Variants in TXNDC16 observed in about 807,000 individuals in gnomAD.
The protein encoded by TXNDC16 is thioredoxin domain-containing protein 16.
A neutral mutation model predicts 85.6 loss-of-function variants in TXNDC16; 74 were observed. That is an observed-to-expected ratio of 0.86 (90% CI 0.72 to 1.05). The LOEUF is 1.05. Among genes scored for constraint, TXNDC16 ranks in the 50% least tolerant of loss-of-function variants. TXNDC16 has a pLI of 0.00. For synonymous variants in TXNDC16, 335 were observed against 326.5 expected (o/e 1.03, Z -0.28); for missense variants, 959 against 947.0 (o/e 1.01, Z -0.17).
chr14:52,508,132 T>C (rs1340586200), intron 9 of TXNDC16, among the ~76,000 whole-genome samples: 10 of 152,038 alleles, frequency 6.6e-5, no homozygotes, highest in Admixed American at 6.5e-4. Flanking sequence ...ACAGGCAACC[T>C]ACAGAATGGG....
chr14:52,529,931 A>T (rs1298330155), intron 6 of TXNDC16, among the ~76,000 whole-genome samples: 5 of 108,060 alleles, frequency 4.6e-5, no homozygotes, highest in African/African-American at 1.5e-4. Flanking sequence ...CATTATATAT[A>T]TTATATATAT....
chr14:52,469,980 A>T, intron 16 of TXNDC16, 57 bp downstream of exon 16: 2 of 1,437,326 alleles, frequency 1.4e-6, no homozygotes, highest in Non-Finnish European at 1.8e-6. Context: ...TTAAAAAATA[A>T]AACTAGCAAG....
intron 9 of TXNDC16, among the ~76,000 whole-genome samples, chr14:52,493,798 AG>A (rs912143028): frequency 4.7e-4 from 71 of 151,978 alleles, no homozygotes; most frequent in African/African-American, 1.6e-3. Context: ...TTTTTTTCCA[AG>A]ATAGAGTCTT....
In TXNDC16 at chr14:52,432,465, C is replaced by T. The variant is rs2034924297; in HGVS notation, c.2317G>A (p.Val773Met). 1 of 1,614,000 alleles carries T rather than the reference C, an allele frequency of 6.2e-7. No homozygotes were observed. ...KVPKCMKETD[V>M]QENDKEQHED... is the part of the protein sequence containing the mutation. ...TGTTGTTCCTTATCATTCTCCTGCACATCTGTTTCTTTCATACACTTGGGA... is the reference window on the plus strand; with the variant it reads ...TGTTGTTCCTTATCATTCTCCTGCATATCTGTTTCTTTCATACACTTGGGA... The change falls in exon 21 of 21, where the codon GTG (valine) becomes ATG (methionine). Residue 773 changes from valine to methionine, a missense_variant. Transcript: ENST00000281741.
At chr14:52,498,753 C>A (rs1402673070) in intron 9 of TXNDC16, among the ~76,000 whole-genome samples, 3 of 152,056 alleles carry the variant, frequency 2.0e-5, no homozygotes, top group African/African-American at 7.2e-5. Flanking sequence ...CTACCCAAAG[C>A]AATCTACAGA....
intron 12 of TXNDC16, among the ~76,000 whole-genome samples, chr14:52,483,394 G>A (rs2036194206): frequency 6.6e-6 from 1 of 152,146 alleles, no homozygotes; most frequent in African/African-American, 2.4e-5. Context: ...AATTTATGAA[G>A]AAAGGTAAAG....
At chr14:52,444,936 A>T (rs2035244119) in intron 18 of TXNDC16, among the ~76,000 whole-genome samples, 1 of 152,172 alleles carries the variant, frequency 6.6e-6, no homozygotes, top group Non-Finnish European at 1.5e-5. Context: ...TCAAGAGGAA[A>T]TGGGCTAAAT....
intron 20 of TXNDC16, 45 bp downstream of exon 20, chr14:52,439,159 A>C: frequency 6.4e-7 from 1 of 1,554,982 alleles, no homozygotes; most frequent in Non-Finnish European, 8.8e-7. Context: ...ACATTTATGG[A>C]ACAAAATGCA....
At chr14:52,523,327 A>C (rs75807865) in intron 6 of TXNDC16, among the ~76,000 whole-genome samples, 2 of 152,294 alleles carry the variant, frequency 1.3e-5, no homozygotes, top group Non-Finnish European at 2.9e-5. Context: ...TTTGGTCAAG[A>C]ATTGAGTGGG....
intron 18 of TXNDC16, 25 bp from the exon 19 acceptor site, chr14:52,440,749 A>G: frequency 1.3e-6 from 2 of 1,598,320 alleles, no homozygotes; most frequent in South Asian, 2.3e-5. Flanking sequence ...GAATAACAAC[A>G]ATAAAAAATG....
At position 52,490,890 on chromosome 14, in the gene TXNDC16, T is replaced by C. The variant is rs530048245; in HGVS notation, c.872A>G (p.Glu291Gly). The C allele has an allele frequency of 8.1e-6, 13 of 1,613,428 alleles. No individual in the cohort carries two copies. In the East Asian group the frequency reaches 2.7e-4, roughly 33 times the overall value. The change falls in exon 10 of 21, where the codon GAA becomes GGA. Residue 291 changes from glutamate (E) to glycine (G), a missense_variant. Physicochemically the swap from Glu to Gly is moderately conservative, Grantham distance 98 (BLOSUM62 -2). Transcript: ENST00000281741. ...TCCCAGAAGACGCCAAGCAACCCAT[T>C]CTGCAGTTCTTCTATCAGCTTCATA... ...ATYEADRRTA[E>G]WVAWRLLGKA...
At chr14:52,528,674 T>C (rs1002766591) in intron 6 of TXNDC16, among the ~76,000 whole-genome samples, 3 of 150,860 alleles carry the variant, frequency 2.0e-5, no homozygotes, top group African/African-American at 7.3e-5. Context: ...ACAGTAATAA[T>C]ATCCTTATTA....
intron 1 of TXNDC16, among the ~76,000 whole-genome samples, chr14:52,547,794 T>C (rs775481631): frequency 1.3e-5 from 2 of 152,214 alleles, no homozygotes; most frequent in Non-Finnish European, 2.9e-5. Flanking sequence ...TCCTCAACTT[T>C]AGGCTTCACA....
intron 11 of TXNDC16, among the ~76,000 whole-genome samples, chr14:52,488,831 G>GAAAAAAAAAAAAAAAAAAAA (rs199871075): frequency 2.2e-5 from 2 of 89,956 alleles, no homozygotes; most frequent in Non-Finnish European, 4.3e-5. Context: ...GAGACTCTGG[G>GAAAAAAAAAAAAAAAAAAAA]AAAAAAAAAA....
chr14:52,474,603 A>T (rs935189199), intron 14 of TXNDC16, among the ~76,000 whole-genome samples: 1 of 152,052 alleles, frequency 6.6e-6, no homozygotes, highest in Non-Finnish European at 1.5e-5. Flanking sequence ...GGTGGTGCAC[A>T]CCTGTAATCC....
At chr14:52,465,084 G>A (rs2035741047) in intron 16 of TXNDC16, among the ~76,000 whole-genome samples, 1 of 152,086 alleles carries the variant, frequency 6.6e-6, no homozygotes, top group Admixed American at 6.5e-5. Flanking sequence ...TGAAAACAAA[G>A]TAGAAAAAAA....
At chr14:52,496,655 G>C (rs1174879433) in intron 9 of TXNDC16, among the ~76,000 whole-genome samples, 1 of 149,052 alleles carries the variant, frequency 6.7e-6, no homozygotes, top group Non-Finnish European at 1.5e-5. Context: ...TGCCTGGCTG[G>C]AGTACAGTGG....
At chr14:52,539,859 A>T (rs2037789417) in intron 4 of TXNDC16, among the ~76,000 whole-genome samples, 1 of 152,030 alleles carries the variant, frequency 6.6e-6, no homozygotes, top group African/African-American at 2.4e-5. Context: ...TACTTTGAAG[A>T]TTTCTGAAAC....
intron 16 of TXNDC16, among the ~76,000 whole-genome samples, chr14:52,465,508 C>T (rs750124807): frequency 4.7e-5 from 7 of 150,058 alleles, no homozygotes; most frequent in Middle Eastern, 7.0e-3. Context: ...AGGAGAATGG[C>T]GTGAACCTGG....
Sources: gnomAD v4.1 joint callset for allele counts (sites outside exome capture counted in the v4.1 genomes callset) on GRCh38, gnomAD v4.1.1 for gene constraint, MANE v1.5 for transcripts, NCBI Gene and HGNC (gene_info 2026-07-23, HGNC 2026-07-21) for gene names.